TACR1: variants seen among roughly 807,000 people sequenced by gnomAD.
The protein encoded by TACR1 is substance-P receptor.
A neutral mutation model predicts 35.8 loss-of-function variants in TACR1; 25 were observed. The ratio of observed to expected loss-of-function variants is 0.70; its 90% CI spans 0.51 to 0.98. The LOEUF is 0.98. Ranked by LOEUF, TACR1 falls within the 50% of genes least tolerant of loss-of-function variation. The pLI, the probability that TACR1 is intolerant of heterozygous loss-of-function variation, is 0.00. For synonymous variants in TACR1, 195 were observed against 206.7 expected (o/e 0.94, Z 0.48); for missense variants, 478 against 522.9 (o/e 0.91, Z 0.84).
chr2:75,122,181 G>T (rs1478536320), intron 1 of TACR1, among the ~76,000 whole-genome samples: 1 of 152,182 alleles, frequency 6.6e-6, no homozygotes, highest in East Asian at 1.9e-4. Flanking sequence ...CAATACCTTA[G>T]AGTCTTAGGG....
intron 1 of TACR1, among the ~76,000 whole-genome samples, chr2:75,139,948 A>G (rs2103945936): frequency 6.6e-6 from 1 of 152,362 alleles, no homozygotes; most frequent in South Asian, 2.1e-4. Context: ...TTCTAGGTGC[A>G]CATCCAGGTT....
At chr2:75,094,859 A>ATATATATATATATATATATATATT in intron 2 of TACR1, among the ~76,000 whole-genome samples, 15 of 113,128 alleles carry the variant, frequency 1.3e-4, no homozygotes, top group Non-Finnish European at 2.2e-4. Flanking sequence ...ATATATATAT[A>ATATATATATATATATATATATATT]TTTTTTTTTT....
At chr2:75,132,421 T>C (rs1674196019) in intron 1 of TACR1, among the ~76,000 whole-genome samples, 1 of 152,226 alleles carries the variant, frequency 6.6e-6, no homozygotes, top group South Asian at 2.1e-4. Context: ...ATATTTTAAC[T>C]GTTATTATTG....
At chr2:75,129,642 C>G (rs770249105) in intron 1 of TACR1, among the ~76,000 whole-genome samples, 2 of 152,088 alleles carry the variant, frequency 1.3e-5, no homozygotes, top group African/African-American at 2.4e-5. Flanking sequence ...AACAAATAAA[C>G]AATTTTTTGA....
intron 1 of TACR1, among the ~76,000 whole-genome samples, chr2:75,165,727 G>T (rs1282969010): frequency 6.6e-6 from 1 of 152,152 alleles, no homozygotes; most frequent in East Asian, 1.9e-4. Flanking sequence ...GCTAACGCTG[G>T]TACTTATTAT....
At chr2:75,067,485 C>T (rs544297924) in intron 2 of TACR1, among the ~76,000 whole-genome samples, 56 of 152,186 alleles carry the variant, frequency 3.7e-4, no homozygotes, top group Non-Finnish European at 5.4e-4. Context: ...TGAATAGAAA[C>T]GACATGGTCC....
At chr2:75,141,108 A>G (rs894535172) in intron 1 of TACR1, among the ~76,000 whole-genome samples, 1 of 152,162 alleles carries the variant, frequency 6.6e-6, no homozygotes, top group African/African-American at 2.4e-5. Context: ...TGGGCAACAC[A>G]TATAATCTTT....
intron 2 of TACR1, among the ~76,000 whole-genome samples, chr2:75,109,540 T>A (rs943144354): frequency 1.3e-5 from 2 of 152,220 alleles, no homozygotes; most frequent in Non-Finnish European, 2.9e-5. Context: ...CTTTGTGAGA[T>A]AGCTTACTTC....
intron 1 of TACR1, among the ~76,000 whole-genome samples, chr2:75,130,870 T>A (rs1302478878): frequency 6.6e-6 from 1 of 152,246 alleles, no homozygotes; most frequent in Non-Finnish European, 1.5e-5. Context: ...CTGTGAAGCA[T>A]GACTTCTCGC....
chr2:75,100,051 A>G (rs1673505470), intron 2 of TACR1, among the ~76,000 whole-genome samples: 1 of 152,086 alleles, frequency 6.6e-6, no homozygotes, highest in South Asian at 2.1e-4. Context: ...CTCTTCCCTT[A>G]TTCCCATTCT....
chr2:75,141,738 G>A (rs1330332470), intron 1 of TACR1, among the ~76,000 whole-genome samples: 1 of 152,182 alleles, frequency 6.6e-6, no homozygotes, highest in African/African-American at 2.4e-5. Flanking sequence ...GGACTTATAT[G>A]TGCTCAAAAT....
intron 2 of TACR1, among the ~76,000 whole-genome samples, chr2:75,057,014 T>C (rs531456101): frequency 6.6e-6 from 1 of 152,344 alleles, no homozygotes; most frequent in East Asian, 1.9e-4. Context: ...ACAACCCAAA[T>C]GCCCACCAAT....
intron 2 of TACR1, among the ~76,000 whole-genome samples, chr2:75,116,227 C>T (rs1435961105): frequency 6.6e-6 from 1 of 152,144 alleles, no homozygotes; most frequent in African/African-American, 2.4e-5. Context: ...ACCTCAGCCT[C>T]CCAAGTATCT....
At chr2:75,193,118 C>G (rs1035720458) in intron 1 of TACR1, among the ~76,000 whole-genome samples, 1 of 152,106 alleles carries the variant, frequency 6.6e-6, no homozygotes, top group African/African-American at 2.4e-5. Flanking sequence ...TTCTTCTTCT[C>G]CTTTTACCAG....
chr2:75,179,896 G>C (rs1329447128), intron 1 of TACR1, among the ~76,000 whole-genome samples: 1 of 152,142 alleles, frequency 6.6e-6, no homozygotes, highest in African/African-American at 2.4e-5. Flanking sequence ...TTGAGATTTG[G>C]GGGTTTGCCT....
chr2:75,051,145 C>T, intron 4 of TACR1, 106 bp downstream of exon 4: 1 of 1,427,238 alleles, frequency 7.0e-7, no homozygotes, highest in Non-Finnish European at 9.8e-7. Context: ...CCCACTTGTC[C>T]CTCTTGTCTC....
At chr2:75,152,722 C>G (rs893051776) in intron 1 of TACR1, among the ~76,000 whole-genome samples, 3 of 152,202 alleles carry the variant, frequency 2.0e-5, no homozygotes, top group Non-Finnish European at 4.4e-5. Flanking sequence ...ATAAATATCA[C>G]TAAACAGGTG....
intron 2 of TACR1, among the ~76,000 whole-genome samples, chr2:75,078,467 A>G (rs1673020369): frequency 6.6e-6 from 1 of 152,124 alleles, no homozygotes; most frequent in Admixed American, 6.6e-5. Flanking sequence ...AAAACTTAAA[A>G]TTATTTAAAA....
intron 1 of TACR1, among the ~76,000 whole-genome samples, chr2:75,184,218 A>G (rs1675630913): frequency 6.6e-6 from 1 of 152,198 alleles, no homozygotes; most frequent in African/African-American, 2.4e-5. Flanking sequence ...ATATGAAAAA[A>G]TGTATTAATA....
Sources: allele counts gnomAD v4.1 joint callset (sites outside exome capture counted in the v4.1 genomes callset), GRCh38; gene constraint gnomAD v4.1.1; transcripts MANE v1.5; gene names NCBI Gene and HGNC (gene_info 2026-07-23, HGNC 2026-07-21).